Variants in FRMD4A observed in about 807,000 individuals in gnomAD.
The protein encoded by FRMD4A is FERM domain-containing protein 4A.
A neutral mutation model predicts 129.1 loss-of-function variants in FRMD4A; 29 were observed. The ratio of observed to expected loss-of-function variants is 0.22; its 90% CI spans 0.17 to 0.31. The LOEUF is 0.31. Ranked by LOEUF, FRMD4A falls within the 10% of genes least tolerant of loss-of-function variation. The pLI is 1.00. For synonymous variants in FRMD4A, 634 were observed against 571.6 expected (o/e 1.11, Z -1.56); for missense variants, 1,272 against 1,375.8 (o/e 0.92, Z 1.19).
intron 3 of FRMD4A, among the ~76,000 whole-genome samples, chr10:13,831,553 A>T (rs974784149): frequency 6.6e-6 from 1 of 152,272 alleles, no homozygotes; most frequent in African/African-American, 2.4e-5. Flanking sequence ...TTGTGGGATC[A>T]GGACCCAGTA....
chr10:14,306,915 C>T (rs187214212), intron 2 of FRMD4A, among the ~76,000 whole-genome samples: 7 of 152,218 alleles, frequency 4.6e-5, no homozygotes, highest in African/African-American at 1.7e-4. Context: ...GGCAGAGGAA[C>T]TAAGGACAGG....
chr10:14,012,976 G>A (rs550051982), intron 2 of FRMD4A, among the ~76,000 whole-genome samples: 4 of 152,120 alleles, frequency 2.6e-5, no homozygotes, highest in Non-Finnish European at 4.4e-5. Flanking sequence ...AGCTGGGGAC[G>A]TGACTGAGGT....
intron 17 of FRMD4A, chr10:13,668,515 T>C (rs2083244152): frequency 6.6e-6 from 1 of 152,242 alleles, no homozygotes; most frequent in Non-Finnish European, 1.5e-5. Flanking sequence ...GACCAGGTGA[T>C]CATCTCATGC....
At chr10:13,693,710 C>G (rs749773253) in intron 15 of FRMD4A, 188 bp downstream of exon 15, 2 of 685,584 alleles carry the variant, frequency 2.9e-6, no homozygotes, top group Non-Finnish European at 2.5e-6. Flanking sequence ...TTCCCTTCCA[C>G]TATTTGATTC....
At position 13,842,558 on chromosome 10, in the gene FRMD4A, A is replaced by G. The variant is rs545805530; in HGVS notation, c.111+16289T>C. Among the ~76,000 whole-genome samples the G allele has an allele frequency of 2.0e-5, 3 of 152,360 alleles. No individual in the cohort carries two copies. In the East Asian group the frequency reaches 5.8e-4, roughly 29 times the overall value. On this transcript the variant is annotated intron_variant, in intron 3 of 24. Transcript: ENST00000357447. ...GTTCATAAAGGTAAAAACATTTCCC[A>G]AGGCCACAGACCATCTACATGAGAT...
At chr10:14,032,627 C>T (rs1322724836) in intron 2 of FRMD4A, among the ~76,000 whole-genome samples, 1 of 152,204 alleles carries the variant, frequency 6.6e-6, no homozygotes, top group Non-Finnish European at 1.5e-5. Flanking sequence ...CCAGGGGGCG[C>T]CAGCAAGGGG....
chr10:14,015,957 C>T lies in FRMD4A; in HGVS notation c.46-157045G>A, dbSNP rs751895206. 5.3e-5 allele frequency among the ~76,000 whole-genome samples: 8 copies of T among 152,156 alleles called. No homozygotes were observed. In the East Asian group the frequency reaches 5.8e-4, roughly 11 times the overall value. ...ATGAGAGGCTCCAGTGTCCATTGAC[C>T]GCCTCCCTCTTCTGTGTCACTACAA... On this transcript the variant is annotated intron_variant, in intron 2 of 24. Transcript: ENST00000357447.
chr10:14,087,226 ATAT>A (rs973110045), intron 2 of FRMD4A, among the ~76,000 whole-genome samples: 11 of 147,722 alleles, frequency 7.4e-5, no homozygotes, highest in African/African-American at 2.7e-4. Context: ...TATAAATTAT[ATAT>A]TAATTATATA....
intron 2 of FRMD4A, among the ~76,000 whole-genome samples, chr10:13,940,807 C>T (rs1488263574): frequency 6.6e-6 from 1 of 152,168 alleles, no homozygotes; most frequent in Non-Finnish European, 1.5e-5. Context: ...TCTATAGATT[C>T]ATGGAAGGTT....
intron 6 of FRMD4A, among the ~76,000 whole-genome samples, chr10:13,778,502 T>C (rs2092655730): frequency 6.6e-6 from 1 of 152,120 alleles, no homozygotes; most frequent in South Asian, 2.1e-4. Context: ...AGGCCCTCCG[T>C]TATTCTGAAC....
intron 2 of FRMD4A, among the ~76,000 whole-genome samples, chr10:14,159,683 CAAAAAACAAAAAAG>C (rs1032945465): frequency 8.6e-5 from 13 of 151,626 alleles, no homozygotes; most frequent in Non-Finnish European, 1.5e-4. Context: ...GCAATGCTGA[CAAAAAACAAAAAAG>C]AAAAAACAAA....
intron 2 of FRMD4A, among the ~76,000 whole-genome samples, chr10:14,012,018 A>G (rs1003410331): frequency 1.2e-4 from 16 of 135,898 alleles, no homozygotes; most frequent in Admixed American, 6.5e-4. Flanking sequence ...GTCTCAAAGG[A>G]AAAAAAAAAA....
intron 2 of FRMD4A, among the ~76,000 whole-genome samples, chr10:14,227,786 G>A (rs1843496696): frequency 1.3e-5 from 2 of 152,148 alleles, no homozygotes; most frequent in Non-Finnish European, 2.9e-5. Context: ...CAGGTTCCTG[G>A]CTCATAGTAG....
Position 13,810,317 on chromosome 10 carries a change from G to A in FRMD4A, c.206+497C>T, listed in dbSNP as rs2093424068. Among the ~76,000 whole-genome samples, 4 of 152,226 alleles carry A rather than the reference G, an allele frequency of 2.6e-5. No individual in the cohort carries two copies. The South Asian group carries it at 6.2e-4, about 24-fold the overall frequency. On this transcript the variant is annotated intron_variant, in intron 4 of 24. Transcript: ENST00000357447. The stretch of plus-strand genomic sequence containing the variant: ...AGCCAAACTGAAAAGACCCTTGAAA[G>A]CAAATATTCTTCTCATCAGATCAGT...
At chr10:14,229,088 T>A (rs1056612403) in intron 2 of FRMD4A, among the ~76,000 whole-genome samples, 1 of 143,940 alleles carries the variant, frequency 6.9e-6, no homozygotes, top group Non-Finnish European at 1.6e-5. Context: ...TTTTTTCTTG[T>A]TTTTTTTTTG....
chr10:13,811,110 G>C (rs73579911), intron 3 of FRMD4A, among the ~76,000 whole-genome samples: 2,462 of 151,724 alleles, frequency 0.016, 56 homozygotes, highest in African/African-American at 0.054. Context: ...AACAGATAGA[G>C]ACCTTCTGTT....
chr10:14,247,385 G>A (rs180805158), intron 2 of FRMD4A, among the ~76,000 whole-genome samples: 3 of 152,234 alleles, frequency 2.0e-5, no homozygotes, highest in Non-Finnish European at 4.4e-5. Context: ...CCAGAACAAT[G>A]GCAAATTGAA....
intron 2 of FRMD4A, among the ~76,000 whole-genome samples, chr10:14,130,395 G>A (rs1839178296): frequency 6.6e-6 from 1 of 151,910 alleles, no homozygotes; most frequent in African/African-American, 2.4e-5. Flanking sequence ...CAAGTAGCTG[G>A]GACTGCAGGT....
chr10:13,983,294 G>A (rs1355997247), intron 2 of FRMD4A, among the ~76,000 whole-genome samples: 2 of 152,066 alleles, frequency 1.3e-5, no homozygotes, highest in Non-Finnish European at 2.9e-5. Context: ...ATAAAGCAAA[G>A]TTCATCCTCC....
Sources: gnomAD v4.1 joint callset for allele counts (sites outside exome capture counted in the v4.1 genomes callset) on GRCh38, gnomAD v4.1.1 for gene constraint, MANE v1.5 for transcripts, NCBI Gene and HGNC (gene_info 2026-07-23, HGNC 2026-07-21) for gene names.